Variants in RBPMS observed in about 807,000 individuals in gnomAD.
The protein encoded by RBPMS is RNA-binding protein with multiple splicing.
Under a neutral mutation model 26.8 loss-of-function variants are expected in RBPMS, and 7 were observed. That is an observed-to-expected ratio of 0.26 (90% CI 0.15 to 0.49). The LOEUF is 0.49. RBPMS is among the 20% of genes least tolerant of loss of function. The probability of loss-of-function intolerance (pLI) is 0.98; values close to 1 mark genes in which losing one functional copy is unlikely to be tolerated. For missense variants in RBPMS, 186 were observed against 250.0 expected, an observed-to-expected ratio of 0.74 and a Z score of 1.73; for synonymous variants, 96 against 93.3, an observed-to-expected ratio of 1.03 and a Z score of -0.17.
chr8:30,518,158 G>C (rs1822551395), intron 5 of RBPMS, among the ~76,000 whole-genome samples: 1 of 152,216 alleles, frequency 6.6e-6, no homozygotes, highest in Admixed American at 6.5e-5. Flanking sequence ...TGATAAAGGA[G>C]TATGGAGACG....
At chr8:30,393,200 G>A (rs903519737) in intron 1 of RBPMS, among the ~76,000 whole-genome samples, 6 of 152,046 alleles carry the variant, frequency 3.9e-5, no homozygotes, top group Admixed American at 2.0e-4. Context: ...AAAGCCTGAG[G>A]GGGAGCTTAG....
intron 1 of RBPMS, among the ~76,000 whole-genome samples, chr8:30,439,906 G>A (rs966311574): frequency 2.0e-5 from 3 of 152,116 alleles, no homozygotes; most frequent in Non-Finnish European, 4.4e-5. Context: ...AAAGCCAGGT[G>A]CAGTGGCTTA....
chr8:30,452,654 A>G (rs544599860), intron 1 of RBPMS, among the ~76,000 whole-genome samples: 20 of 152,328 alleles, frequency 1.3e-4, no homozygotes, highest in African/African-American at 4.8e-4. Context: ...TAGGTAGGGA[A>G]GAGTGCCAAA....
intron 4 of RBPMS, among the ~76,000 whole-genome samples, chr8:30,488,058 C>G (rs1367039289): frequency 6.6e-6 from 1 of 152,046 alleles, no homozygotes; most frequent in Admixed American, 6.6e-5. Context: ...TCCTTTTCTA[C>G]TATAAACCTA....
intron 1 of RBPMS, among the ~76,000 whole-genome samples, chr8:30,463,643 G>T (rs1001512671): frequency 6.6e-6 from 1 of 152,226 alleles, no homozygotes; most frequent in African/African-American, 2.4e-5. Flanking sequence ...TGCTAAAGGT[G>T]AAGGGGATTA....
At chr8:30,556,512 C>T (rs917330356) in intron 6 of RBPMS, 9 of 986,088 alleles carry the variant, frequency 9.1e-6, no homozygotes, top group Admixed American at 6.1e-5. Context: ...AGCCCTCCCC[C>T]TCCTGTGTCT....
At chr8:30,478,263 C>T (rs894808295) in intron 3 of RBPMS, among the ~76,000 whole-genome samples, 2 of 152,140 alleles carry the variant, frequency 1.3e-5, no homozygotes, top group Middle Eastern at 3.4e-3. Context: ...GAACAGAGAA[C>T]GTACAAAATG....
At chr8:30,511,489 ATATAT>A (rs1821665645) in intron 5 of RBPMS, among the ~76,000 whole-genome samples, 25 of 7,558 alleles carry the variant, frequency 3.3e-3, no homozygotes, top group African/African-American at 0.019. Flanking sequence ...AAAAAAAAAT[ATATAT>A]ATATATATAT....
In RBPMS at chr8:30,500,806, T is replaced by C. The variant is rs568889120; in HGVS notation, c.247-3480T>C. ...GAATAAGGGCACAGAACACAGACAT[T>C]GGCCCCTGAGTACCCTTCCCAAAGA... On this transcript the variant is annotated intron_variant, in intron 4 of 8. Transcript: ENST00000397323. Among the ~76,000 whole-genome samples the C allele has an allele frequency of 4.6e-5, 7 of 152,186 alleles. No homozygotes were observed. In the East Asian group the frequency reaches 1.4e-3, roughly 30 times the overall value.
chr8:30,472,056 G>A (rs536745582), intron 1 of RBPMS, among the ~76,000 whole-genome samples: 24 of 152,014 alleles, frequency 1.6e-4, no homozygotes, highest in African/African-American at 5.3e-4. Context: ...TCCACTTCTA[G>A]GTGTTTATCC....
chr8:30,560,622 C>T (rs1002171581), intron 7 of RBPMS, among the ~76,000 whole-genome samples: 5 of 152,178 alleles, frequency 3.3e-5, no homozygotes, highest in Non-Finnish European at 2.9e-5. Context: ...TAATAGTCCT[C>T]AGGGGCAATC....
chr8:30,495,280 GTTT>G (rs11331221), intron 4 of RBPMS, among the ~76,000 whole-genome samples: 1 of 128,984 alleles, frequency 7.8e-6, no homozygotes, highest in African/African-American at 3.7e-5. Flanking sequence ...AATTATGAAG[GTTT>G]TTTTTTTTTT....
chr8:30,532,534 G>A (rs933983421), intron 5 of RBPMS, among the ~76,000 whole-genome samples: 3 of 152,070 alleles, frequency 2.0e-5, no homozygotes, highest in Admixed American at 6.6e-5. Context: ...GCAGAGATTA[G>A]GTAAGTTATC....
chr8:30,526,261 G>C (rs1305542884), intron 5 of RBPMS, among the ~76,000 whole-genome samples: 1 of 152,180 alleles, frequency 6.6e-6, no homozygotes, highest in African/African-American at 2.4e-5. Flanking sequence ...CAGGCTTTTT[G>C]CTTAGAGAGC....
At chr8:30,549,626 G>C in intron 6 of RBPMS, 2 of 1,507,314 alleles carry the variant, frequency 1.3e-6, no homozygotes, top group South Asian at 1.1e-5. Flanking sequence ...TCTCACAGGA[G>C]GAGGGGCGGA....
At chr8:30,497,480 A>C (rs1294861980) in intron 4 of RBPMS, among the ~76,000 whole-genome samples, 1 of 152,110 alleles carries the variant, frequency 6.6e-6, no homozygotes, top group Non-Finnish European at 1.5e-5. Context: ...AAAGGCAGAG[A>C]GGTTGTAGTG....
intron 6 of RBPMS, among the ~76,000 whole-genome samples, chr8:30,555,474 A>G (rs1404687430): frequency 6.6e-6 from 1 of 152,162 alleles, no homozygotes; most frequent in Non-Finnish European, 1.5e-5. Context: ...GGTTAAGTAT[A>G]TTGTGTTAAA....
At chr8:30,521,936 A>G (rs1220279838) in intron 5 of RBPMS, among the ~76,000 whole-genome samples, 2 of 152,218 alleles carry the variant, frequency 1.3e-5, no homozygotes, top group South Asian at 2.1e-4. Flanking sequence ...GTCGGTCAAA[A>G]GAAACAAATT....
Position 30,446,835 on chromosome 8 carries a change from GTGTGTGT to G in RBPMS, c.67-27943_67-27937del, listed in dbSNP as rs1429244605. 3.6e-3 allele frequency: 360 copies of G among 99,772 alleles called. 3 individuals are homozygous for G. The highest frequency in any genetic ancestry group is 0.017 in the African/African-American group (332 of 19,784). 6.2% of individuals were successfully genotyped at this position (99,772 alleles called of 1,614,324 possible). On this transcript the variant is annotated intron_variant, in intron 1 of 8. Transcript: ENST00000397323. The stretch of plus-strand genomic sequence containing the variant: ...TGTGTGTGTGTGTGTGTGTGTGTGT[GTGTGTGT>G]GCGCGCGCGCGCGCGCGGTGGAGGG...
Sources: gnomAD v4.1 joint callset for allele counts (sites outside exome capture counted in the v4.1 genomes callset) on GRCh38, gnomAD v4.1.1 for gene constraint, MANE v1.5 for transcripts, NCBI Gene and HGNC (gene_info 2026-07-23, HGNC 2026-07-21) for gene names.